Variants in ZNF227 observed in about 807,000 individuals in gnomAD.
The protein encoded by ZNF227 is zinc finger protein 227.
ZNF227 carries 12 observed loss-of-function variants against 13.2 expected under a neutral mutation model. The observed-to-expected ratio is 0.91, with a 90% confidence interval of 0.58 to 1.47. The LOEUF is 1.47. ZNF227 is among the 40% of genes most tolerant of loss of function. The probability of loss-of-function intolerance (pLI) is 0.00; values close to 1 mark genes in which losing one functional copy is unlikely to be tolerated. For missense variants in ZNF227, 885 were observed against 967.5 expected, an observed-to-expected ratio of 0.91 and a Z score of 1.13; for synonymous variants, 338 against 326.0, an observed-to-expected ratio of 1.04 and a Z score of -0.40.
At chr19:44,234,590 C>T (rs200917586) in intron 5 of ZNF227, 112 bp from the exon 6 acceptor site, 17 of 991,974 alleles carry the variant, frequency 1.7e-5, no homozygotes, top group East Asian at 1.3e-4. Context: ...GGTCACCTTT[C>T]GCCTGGTTTA....
chr19:44,235,368 C>T lies in ZNF227; in HGVS notation c.938C>T (p.Ser313Phe). The T allele has an allele frequency of 6.2e-7, 1 of 1,614,180 alleles. No homozygotes were observed. The highest frequency in any genetic ancestry group is 8.5e-7 in the Non-Finnish European group (1 of 1,180,036). The stretch of plus-strand genomic sequence containing the variant: ...TGCTTCAATAAGAGCTCTTTTCATT[C>T]TTATCAATCTAATCATACAGGAGAG... ...GDCFNKSSFHSYQSNHTGEKS... is the reference protein window; with the variant it reads ...GDCFNKSSFHFYQSNHTGEKS... Residue 313 changes from serine (S) to phenylalanine (F), a missense_variant, in exon 6 of 6, where the codon TCT (serine) becomes TTT (phenylalanine). Physicochemically the swap from Ser to Phe is radical, Grantham distance 155. Coordinates refer to ENST00000313040, the MANE Select transcript of ZNF227 (RefSeq NM_182490.3).
rs537623982 is a variant in ZNF227 at position 44,236,667 on chromosome 19, G to A, written c.2237G>A (p.Cys746Tyr). The A allele has an allele frequency of 6.2e-7, 1 of 1,613,946 alleles. No homozygotes were observed. The highest frequency in any genetic ancestry group is 2.2e-5 in the East Asian group (1 of 44,868). The part of the protein sequence containing the change: ...GVHTREKLFK[C>Y]EECGKGFSQS... The stretch of plus-strand genomic sequence containing the variant: ...CACACCAGGGAAAAACTCTTTAAAT[G>A]TGAAGAGTGTGGTAAAGGCTTCAGT... Residue 746 changes from cysteine to tyrosine, a missense_variant, in exon 6 of 6, where the codon TGT (cysteine) becomes TAT (tyrosine). Transcript: ENST00000313040.
At chr19:44,211,923 T>A (rs1203852205), upstream of ZNF227, among the ~76,000 whole-genome samples, 4 of 138,856 alleles carry the variant, frequency 2.9e-5, no homozygotes, top group Non-Finnish European at 4.7e-5. Flanking sequence ...TGAGACAGAG[T>A]CTCACTCTGT....
At chr19:44,226,788 C>G (rs73569933) in intron 3 of ZNF227, among the ~76,000 whole-genome samples, 2 of 152,076 alleles carry the variant, frequency 1.3e-5, no homozygotes, top group African/African-American at 4.8e-5. Context: ...CACTGCCCTG[C>G]GCCCACTGTC....
chr19:44,213,066 C>A (rs1971498334), intron 1 of ZNF227, 24 bp from the exon 2 acceptor site: 1 of 151,686 alleles, frequency 6.6e-6, no homozygotes. Flanking sequence ...CGAACTTTTA[C>A]AGATCTTTTT....
At position 44,236,394 on chromosome 19, in the gene ZNF227, C is replaced by T. The variant is rs141500758; in HGVS notation, c.1964C>T (p.Thr655Met). The change falls in exon 6 of 6, where the codon ACG (threonine) becomes ATG (methionine). Residue 655 changes from threonine (T) to methionine (M), a missense_variant. Physicochemically the swap from Thr to Met is moderately conservative, Grantham distance 81 (BLOSUM62 -1). Transcript: ENST00000313040. ...SGLQSHQRVH[T>M]GEKPYKCDVC... Reference sequence around the variant, plus strand: ...CTTCAATCCCATCAGAGAGTCCACACGGGGGAAAAGCCATACAAATGTGAT... The same window carrying T: ...CTTCAATCCCATCAGAGAGTCCACATGGGGGAAAAGCCATACAAATGTGAT... 90 of 1,613,842 alleles carry T rather than the reference C, an allele frequency of 5.6e-5. No individual in the cohort carries two copies. Among genetic ancestry groups the T allele is most frequent in the Middle Eastern group, 3.3e-4 (2 of 6,084 alleles).
At chr19:44,216,639 C>T (rs771212242) in intron 2 of ZNF227, among the ~76,000 whole-genome samples, 4 of 151,668 alleles carry the variant, frequency 2.6e-5, no homozygotes, top group Non-Finnish European at 4.4e-5. Flanking sequence ...TAGACAAATA[C>T]GGAAGCCTCT....
Position 44,237,004 on chromosome 19 carries a change from G to A in ZNF227, c.*174G>A, listed in dbSNP as rs1411406263. 3.5e-6 allele frequency: 2 copies of A among 566,812 alleles called. No homozygotes were observed. 35.1% of individuals were successfully genotyped at this position (566,812 alleles called of 1,614,324 possible). A position where few individuals can be genotyped will look rare whatever the true frequency, so the allele number is the denominator to read the frequency against. ...TAACACAGAACCATGAACAGGAATA[G>A]AACTCGTATTTAGGGGAGAAATAGG... On this transcript the variant is annotated 3_prime_UTR_variant, in exon 6 of 6. Coordinates refer to ENST00000313040, the MANE Select transcript of ZNF227 (RefSeq NM_182490.3).
At position 44,236,266 on chromosome 19, in the gene ZNF227, C is replaced by G; in HGVS notation, c.1836C>G (p.Ser612Arg). ...KPYKCEQCDK[S>R]FSQAIDFRVH... ...ATAAATGTGAGCAGTGTGATAAGAG[C>G]TTCAGTCAGGCCATAGATTTTCGGG... The change falls in exon 6 of 6, where the codon AGC (serine) becomes AGG (arginine). Residue 612 changes from serine (S) to arginine (R), a missense_variant. By Grantham distance (110) the Ser-to-Arg change is moderately radical (BLOSUM62 -1). Coordinates refer to ENST00000313040, the MANE Select transcript of ZNF227 (RefSeq NM_182490.3). The G allele has an allele frequency of 2.5e-6, 4 of 1,613,936 alleles. No homozygotes were observed. Among genetic ancestry groups the G allele is most frequent in the Non-Finnish European group, 3.4e-6 (4 of 1,179,972 alleles).
chr19:44,232,079 T>C lies in ZNF227; in HGVS notation c.271+2263T>C, dbSNP rs186888885. Among the ~76,000 whole-genome samples the C allele has an allele frequency of 2.9e-3, 439 of 152,330 alleles. 2 individuals are homozygous for C. Among genetic ancestry groups the C allele is most frequent in the African/African-American group, 0.01 (421 of 41,574 alleles). ...TACATACAGTAGTTCTTTAGCAGTTTTGAATTGGACATTTCCAGAAGTCCA... is the reference window on the plus strand; with the variant it reads ...TACATACAGTAGTTCTTTAGCAGTTCTGAATTGGACATTTCCAGAAGTCCA... On this transcript the variant is annotated intron_variant, in intron 5 of 5. Transcript: ENST00000313040.
intron 2 of ZNF227, among the ~76,000 whole-genome samples, chr19:44,216,968 T>G (rs868638063): frequency 1.0e-4 from 15 of 147,010 alleles, no homozygotes; most frequent in African/African-American, 3.5e-4. Flanking sequence ...GTTTTTTTTT[T>G]TTTTTTTTTT....
Position 44,221,705 on chromosome 19 carries a change from T to G in ZNF227, c.60+3853T>G, listed in dbSNP as rs191748632. 5.1e-3 allele frequency among the ~76,000 whole-genome samples: 771 copies of G among 152,346 alleles called. 9 individuals carry two copies. The highest frequency in any genetic ancestry group is 0.017 in the African/African-American group (716 of 41,578). On this transcript the variant is annotated intron_variant, in intron 3 of 5. Transcript: ENST00000313040. ...AGGTTGCAAAAATTTTCTCCCATTT[T>G]GTAGGTTGCCTGTCCACTCTGATGG...
chr19:44,214,439 C>T (rs1374467485), intron 2 of ZNF227, among the ~76,000 whole-genome samples: 3 of 150,940 alleles, frequency 2.0e-5, no homozygotes, highest in Admixed American at 2.0e-4. Flanking sequence ...AGTGCAGTGG[C>T]GTGATCTCAG....
rs2122988062 is a variant in ZNF227, at chr19:44,236,173, T to C, written c.1743T>C (p.Cys581=). 6.2e-7 allele frequency: 1 copy of C among 1,614,134 alleles called. No individual in the cohort carries two copies. Among genetic ancestry groups the C allele is most frequent in the Non-Finnish European group, 8.5e-7 (1 of 1,180,012 alleles). ...AAAAACCATATAAATGTGAGGAATG[T>C]GGGAAGGGCTTCAGTTGGAGATCAA... The part of the protein sequence containing the change: ...TGEKPYKCEE[C]GKGFSWRSNL... Residue 581 remains cysteine, a synonymous_variant, in exon 6 of 6, where the codon TGT becomes TGC. Coordinates refer to ENST00000313040, the MANE Select transcript of ZNF227 (RefSeq NM_182490.3).
intron 2 of ZNF227, chr19:44,213,675 T>C (rs1971554970): frequency 6.6e-6 from 1 of 152,204 alleles, no homozygotes; most frequent in South Asian, 2.1e-4. Context: ...TTAATCTCAA[T>C]GATACAGTCG....
chr19:44,214,850 A>T (rs1333975606), intron 2 of ZNF227, among the ~76,000 whole-genome samples: 1 of 150,048 alleles, frequency 6.7e-6, no homozygotes, highest in Non-Finnish European at 1.5e-5. Flanking sequence ...TGGGCAGCGG[A>T]CCTGGTACTA....
At position 44,236,049 on chromosome 19, in the gene ZNF227, G is replaced by A. The variant is rs762383511; in HGVS notation, c.1619G>A (p.Arg540Gln). The change falls in exon 6 of 6, where the codon CGA (arginine) becomes CAA (glutamine). Residue 540 changes from arginine to glutamine, a missense_variant. Coordinates refer to ENST00000313040, the MANE Select transcript of ZNF227 (RefSeq NM_182490.3). ...SQSSKLQTHQ[R>Q]VHTGEKPYRC... ...TCCTCAAAGCTTCAAACCCATCAGC[G>A]AGTCCACACTGGAGAGAAACCATAT... 15 of 1,613,938 alleles carry A rather than the reference G, an allele frequency of 9.3e-6. No homozygotes were observed. The highest frequency in any genetic ancestry group is 6.7e-5 in the Admixed American group (4 of 59,992).
In ZNF227 at chr19:44,235,433, AGCAGCACGG is replaced by A; in HGVS notation, c.1005_1013del (p.Ser336_Gly338del). ...CGACAGTTGCGGCAAGGGATTCAGT[AGCAGCACGG>A]GTCTTATCATTCATTACAGAACTCA... On this transcript the variant is annotated inframe_deletion, in exon 6 of 6. Coordinates refer to ENST00000313040, the MANE Select transcript of ZNF227 (RefSeq NM_182490.3). 6.2e-7 allele frequency: 1 copy of A among 1,614,144 alleles called. No homozygotes were observed. Among genetic ancestry groups the A allele is most frequent in the South Asian group, 1.1e-5 (1 of 91,080 alleles).
chr19:44,217,790 G>A lies in ZNF227; in HGVS notation c.-2-1G>A. On this transcript the variant is annotated splice_acceptor_variant, in intron 2 of 5. Coordinates refer to ENST00000313040, the MANE Select transcript of ZNF227 (RefSeq NM_182490.3). LOFTEE classifies it low-confidence loss of function (5UTR_SPLICE). ...CTCATGGCGTCTTTGGTCTCCCCCAGTTATGCCATCTCAGAACTATGACCT... is the reference window on the plus strand; with the variant it reads ...CTCATGGCGTCTTTGGTCTCCCCCAATTATGCCATCTCAGAACTATGACCT... 1.9e-6 allele frequency: 3 copies of A among 1,614,206 alleles called. No homozygotes were observed. Among genetic ancestry groups the A allele is most frequent in the Non-Finnish European group, 2.5e-6 (3 of 1,180,022 alleles).
Sources: allele counts gnomAD v4.1 joint callset (sites outside exome capture counted in the v4.1 genomes callset), GRCh38; gene constraint gnomAD v4.1.1; transcripts MANE v1.5; gene names NCBI Gene and HGNC (gene_info 2026-07-23, HGNC 2026-07-21).